Variants in PCDHA3 observed in about 807,000 individuals in gnomAD.
The protein encoded by PCDHA3 is protocadherin alpha 3, also known as protocadherin alpha-3.
Under a neutral mutation model 62.2 loss-of-function variants are expected in PCDHA3, and 41 were observed. The observed-to-expected ratio is 0.66, with a 90% confidence interval of 0.51 to 0.86. The LOEUF is 0.86. PCDHA3 is among the 40% of genes least tolerant of loss of function. The pLI, the probability that PCDHA3 is intolerant of heterozygous loss-of-function variation, is 0.00. For missense variants in PCDHA3, 1,304 were observed against 1,241.2 expected (o/e 1.05, Z -0.76); for synonymous variants, 640 against 555.4 (o/e 1.15, Z -2.14).
chr5:140,905,540 C>T (rs1294771375), intron 1 of PCDHA3, among the ~76,000 whole-genome samples: 5 of 151,890 alleles, frequency 3.3e-5, no homozygotes, highest in African/African-American at 9.7e-5. Flanking sequence ...TCCATATGAA[C>T]TTTAGGATTG....
chr5:140,875,441 T>C (rs781902185), intron 1 of PCDHA3: 1 of 1,570,886 alleles, frequency 6.4e-7, no homozygotes, highest in Admixed American at 1.9e-5. Flanking sequence ...TTAAAACTGA[T>C]TGTCCCAACT....
intron 1 of PCDHA3, chr5:140,836,284 C>T (rs2150256843): frequency 6.2e-7 from 1 of 1,613,808 alleles, no homozygotes; most frequent in South Asian, 1.1e-5. Context: ...ATCAGCACGA[C>T]ACGAGCCCTA....
At chr5:140,825,740 A>G (rs1768694817) in intron 1 of PCDHA3, 1 of 152,450 alleles carries the variant, frequency 6.6e-6, no homozygotes, top group South Asian at 2.1e-4. Flanking sequence ...TATATTGATG[A>G]GGAGTAACTG....
intron 3 of PCDHA3, among the ~76,000 whole-genome samples, chr5:141,007,733 C>A (rs2098343034): frequency 6.6e-6 from 1 of 152,180 alleles, no homozygotes; most frequent in African/African-American, 2.4e-5. Flanking sequence ...CAAAGGTTAA[C>A]CACTGAAGAT....
intron 1 of PCDHA3, chr5:140,877,942 C>T: frequency 7.3e-7 from 1 of 1,367,876 alleles, no homozygotes; most frequent in Admixed American, 3.1e-5. Flanking sequence ...ATCCTTTAAA[C>T]TATCGAATGT....
At chr5:140,927,412 G>T (rs781968521) in intron 1 of PCDHA3, 1 of 1,614,122 alleles carries the variant, frequency 6.2e-7, no homozygotes, top group East Asian at 2.2e-5. Flanking sequence ...CCTGGACATG[G>T]GATCGCGGGT....
chr5:140,976,267 T>C (rs115616483), intron 1 of PCDHA3, among the ~76,000 whole-genome samples: 1,952 of 152,234 alleles, frequency 0.013, 51 homozygotes, highest in African/African-American at 0.045. Flanking sequence ...ACACAGACTT[T>C]TGGCAAGGCA....
In PCDHA3 at chr5:140,803,707, C is replaced by G. The variant is rs190117993; in HGVS notation, c.2394+116C>G. 173 of 1,515,308 alleles carry G rather than the reference C, an allele frequency of 1.1e-4. No homozygotes were observed. The East Asian group carries it at 3.8e-3, about 33-fold the overall frequency. The allele number at this position is 1,515,308 out of a possible 1,614,324, so 93.9% of individuals were successfully genotyped here. A position where few individuals can be genotyped will look rare whatever the true frequency, so the allele number is the denominator to read the frequency against. On this transcript the variant is annotated intron_variant, in intron 1 of 3. Transcript: ENST00000522353. ...ATGAATTATGTGATTCATAATTAGACTTTTCCAGTTTTGTGGTTTTGTGGT... is the reference window on the plus strand; with the variant it reads ...ATGAATTATGTGATTCATAATTAGAGTTTTCCAGTTTTGTGGTTTTGTGGT...
chr5:140,831,520 CTTTTTTTT>C (rs35178185), intron 1 of PCDHA3, among the ~76,000 whole-genome samples: 1 of 122,416 alleles, frequency 8.2e-6, no homozygotes, highest in Non-Finnish European at 1.6e-5. Context: ...TGCCCCCCAC[CTTTTTTTT>C]TTTTTTTTTT....
At chr5:140,843,743 A>C (rs2150365956) in intron 1 of PCDHA3, 2 of 1,536,300 alleles carry the variant, frequency 1.3e-6, no homozygotes, top group Admixed American at 3.6e-5. Context: ...TAGAACTCAT[A>C]AATTCTATTT....
At chr5:140,865,963 C>A (rs182783301) in intron 1 of PCDHA3, 23 of 152,226 alleles carry the variant, frequency 1.5e-4, no homozygotes, top group Non-Finnish European at 3.1e-4. Flanking sequence ...TAATTTTGTA[C>A]AATGTGTGAT....
rs782568001 is a variant in PCDHA3, at chr5:140,876,674, A to G, written c.2394+73083A>G. The G allele has an allele frequency of 5.0e-6, 8 of 1,614,142 alleles. No homozygotes were observed. The South Asian group carries it at 7.7e-5, about 16-fold the overall frequency. On this transcript the variant is annotated intron_variant, in intron 1 of 3. Transcript: ENST00000522353. ...GTTCCCTTCAAGCTGGTGTCCACCTACAAGAATTACTACTCGTTGGTGCTG... is the reference window on the plus strand; with the variant it reads ...GTTCCCTTCAAGCTGGTGTCCACCTGCAAGAATTACTACTCGTTGGTGCTG...
chr5:140,841,754 T>C (rs1777466378), intron 1 of PCDHA3: 2 of 1,613,818 alleles, frequency 1.2e-6, no homozygotes, highest in South Asian at 2.2e-5. Context: ...TGTTTCAGAA[T>C]CCAGAATGCC....
At chr5:140,952,098 C>T (rs1337442909) in intron 1 of PCDHA3, among the ~76,000 whole-genome samples, 2 of 152,108 alleles carry the variant, frequency 1.3e-5, no homozygotes, top group African/African-American at 4.8e-5. Flanking sequence ...ACATCCAGGG[C>T]ACACTCGTGT....
intron 1 of PCDHA3, chr5:140,929,696 A>G (rs955159626): frequency 2.6e-5 from 7 of 266,458 alleles, no homozygotes; most frequent in African/African-American, 1.3e-4. Flanking sequence ...TCTGCTTTAT[A>G]TGAATATAAT....
At position 140,882,738 on chromosome 5, in the gene PCDHA3, C is replaced by T. The variant is rs1005115100; in HGVS notation, c.2394+79147C>T. 8.1e-6 allele frequency: 13 copies of T among 1,614,118 alleles called. No individual in the cohort carries two copies. The highest frequency in any genetic ancestry group is 1.3e-5 in the African/African-American group (1 of 74,942). ...GAAACTCGATTTCCACTAGATGGCG[C>T]ATCCGATGCAGATATTGGAGTAAAC... On this transcript the variant is annotated intron_variant, in intron 1 of 3. Transcript: ENST00000522353.
intron 1 of PCDHA3, chr5:140,927,791 G>C: frequency 6.2e-7 from 1 of 1,614,196 alleles, no homozygotes; most frequent in Admixed American, 1.7e-5. Context: ...GCTTCACTAG[G>C]TCCGCCTGAA....
intron 1 of PCDHA3, chr5:140,817,391 G>A (rs924336993): frequency 6.6e-6 from 1 of 152,186 alleles, no homozygotes. Flanking sequence ...CATGGGAATT[G>A]GTCCTTGTAT....
At chr5:140,915,466 T>C (rs2077134247) in intron 1 of PCDHA3, among the ~76,000 whole-genome samples, 1 of 152,176 alleles carries the variant, frequency 6.6e-6, no homozygotes, top group South Asian at 2.1e-4. Context: ...AGGTTTTTAT[T>C]TGAAGGAGCT....
Sources: gnomAD v4.1 joint callset for allele counts (sites outside exome capture counted in the v4.1 genomes callset) on GRCh38, gnomAD v4.1.1 for gene constraint, MANE v1.5 for transcripts, NCBI Gene and HGNC (gene_info 2026-07-23, HGNC 2026-07-21) for gene names.